LRCH1: variants seen among roughly 807,000 people sequenced by gnomAD.
The protein encoded by LRCH1 is leucine-rich repeat and calponin homology domain-containing protein 1.
A neutral mutation model predicts 94.9 loss-of-function variants in LRCH1; 23 were observed. The observed-to-expected ratio is 0.24, with a 90% confidence interval of 0.17 to 0.34. The LOEUF (loss-of-function observed/expected upper bound fraction) is 0.34, where lower values mean the gene tolerates loss of function less well. Among genes scored for constraint, LRCH1 ranks in the 10% least tolerant of loss-of-function variants. The probability of loss-of-function intolerance (pLI) is 1.00; values close to 1 mark genes in which losing one functional copy is unlikely to be tolerated. For synonymous variants in LRCH1, 364 were observed against 354.9 expected (o/e 1.03, Z -0.29); for missense variants, 790 against 945.9 (o/e 0.84, Z 2.16).
intron 1 of LRCH1, among the ~76,000 whole-genome samples, chr13:46,634,868 G>T (rs982543505): frequency 6.6e-6 from 1 of 152,056 alleles, no homozygotes; most frequent in African/African-American, 2.4e-5. Context: ...GGGTTGGGAG[G>T]GTACCACGTA....
At chr13:46,752,322 A>G (rs1874175176) in exon 19 of LRCH1, 2 of 152,376 alleles carry the variant, frequency 1.3e-5, no homozygotes, top group East Asian at 1.9e-4. Flanking sequence ...TTGTAAGACA[A>G]ATGTAGAGGG....
chr13:46,611,977 C>G (rs1460634379), intron 1 of LRCH1, among the ~76,000 whole-genome samples: 8 of 152,112 alleles, frequency 5.3e-5, no homozygotes, highest in Non-Finnish European at 1.2e-4. Flanking sequence ...TCTTTCCATA[C>G]TAAATACTAA....
intron 2 of LRCH1, among the ~76,000 whole-genome samples, chr13:46,657,548 A>G (rs150569996): frequency 0.049 from 2,347 of 48,344 alleles, 102 homozygotes; most frequent in African/African-American, 0.15. Context: ...TTTTTGAGGC[A>G]GGGTCTTGCT....
intron 1 of LRCH1, among the ~76,000 whole-genome samples, chr13:46,634,000 C>T (rs776031202): frequency 1.3e-5 from 2 of 151,920 alleles, no homozygotes; most frequent in Non-Finnish European, 2.9e-5. Flanking sequence ...CTGCCTCAGC[C>T]TCCTGAGTAG....
intron 1 of LRCH1, among the ~76,000 whole-genome samples, chr13:46,559,099 G>T (rs906737628): frequency 6.6e-6 from 1 of 152,176 alleles, no homozygotes; most frequent in Non-Finnish European, 1.5e-5. Context: ...CTCTTTAGTC[G>T]TTGGAATTCA....
Position 46,695,057 on chromosome 13 carries a change from C to G in LRCH1, c.1245+40C>G, listed in dbSNP as rs1259253622. 4.3e-6 allele frequency: 7 copies of G among 1,609,456 alleles called. No individual in the cohort carries two copies. In the Admixed American group the frequency reaches 1.2e-4, roughly 27 times the overall value. On this transcript the variant is annotated intron_variant, in intron 9 of 19. Coordinates refer to ENST00000389797, the MANE Select transcript of LRCH1 (RefSeq NM_001164211.2). The stretch of plus-strand genomic sequence containing the variant: ...ATCAACTACGTTTTTTTACTTATTT[C>G]CTTCTGTTTGGCACCGTACAATTTA...
chr13:46,568,355 A>G (rs2050207346), intron 1 of LRCH1, among the ~76,000 whole-genome samples: 1 of 152,228 alleles, frequency 6.6e-6, no homozygotes, highest in Admixed American at 6.5e-5. Context: ...GGGATGTGGT[A>G]GATAACACCT....
At chr13:46,676,612 G>T (rs1271142662) in intron 3 of LRCH1, among the ~76,000 whole-genome samples, 1 of 152,064 alleles carries the variant, frequency 6.6e-6, no homozygotes, top group African/African-American at 2.4e-5. Context: ...ATTAAATAAA[G>T]AGCTAGATTC....
At chr13:46,651,661 CA>C (rs754716387) in intron 2 of LRCH1, among the ~76,000 whole-genome samples, 11,556 of 108,146 alleles carry the variant, frequency 0.11, 549 homozygotes, top group Middle Eastern at 0.2. Flanking sequence ...AACTCCATGT[CA>C]AAAAAAAAAA....
chr13:46,553,818 A>T, intron 1 of LRCH1, 115 bp downstream of exon 1: 1 of 1,530,062 alleles, frequency 6.5e-7, no homozygotes, highest in Non-Finnish European at 8.8e-7. Flanking sequence ...GGGAGGGTCC[A>T]TCGGCCCGTT....
downstream of LRCH1, among the ~76,000 whole-genome samples, chr13:46,745,466 G>A (rs7330026): frequency 4.6e-5 from 7 of 151,968 alleles, no homozygotes; most frequent in Non-Finnish European, 8.8e-5. Context: ...CTTAGCAAAC[G>A]TTCAGGAATA....
intron 9 of LRCH1, 136 bp from the exon 10 acceptor site, chr13:46,699,200 A>G: frequency 3.0e-6 from 2 of 677,854 alleles, no homozygotes; most frequent in South Asian, 3.5e-5. Flanking sequence ...CTGTCCCTCC[A>G]TAGATGGCTG....
chr13:46,694,867 T>C (rs750674127), intron 8 of LRCH1, 26 bp from the exon 9 acceptor site: 1 of 1,613,340 alleles, frequency 6.2e-7, no homozygotes, highest in South Asian at 1.1e-5. Flanking sequence ...AATCATGCTT[T>C]CCATCTCTCT....
intron 1 of LRCH1, among the ~76,000 whole-genome samples, chr13:46,648,451 C>T (rs1176915288): frequency 6.6e-6 from 1 of 152,174 alleles, no homozygotes; most frequent in Non-Finnish European, 1.5e-5. Context: ...ATTGACCTTC[C>T]CATCTATCCA....
chr13:46,729,698 G>T (rs1457443376), intron 18 of LRCH1, among the ~76,000 whole-genome samples: 1 of 152,188 alleles, frequency 6.6e-6, no homozygotes, highest in African/African-American at 2.4e-5. Context: ...GCTGCTTTTG[G>T]TTGGTAACTT....
chr13:46,577,640 A>G (rs190193829), intron 1 of LRCH1, among the ~76,000 whole-genome samples: 1 of 152,366 alleles, frequency 6.6e-6, no homozygotes, highest in African/African-American at 2.4e-5. Context: ...CACAGCAACT[A>G]GCTTTTTTTG....
intron 3 of LRCH1, among the ~76,000 whole-genome samples, chr13:46,675,534 G>A (rs565799029): frequency 6.6e-6 from 1 of 152,292 alleles, no homozygotes; most frequent in South Asian, 2.1e-4. Context: ...GGCCTTGATT[G>A]GATATGCTAT....
chr13:46,554,286 C>T lies in LRCH1; in HGVS notation c.307+583C>T, dbSNP rs150398643. 8.6e-3 allele frequency among the ~76,000 whole-genome samples: 1,304 copies of T among 152,360 alleles called. 5 individuals carry two copies. The highest frequency in any genetic ancestry group is 0.03 in the African/African-American group (1,243 of 41,600). ...CGCCGAGCGATCGGGCAACTCGGTGCCGCCTGTGAGGTGCCCAAGTTTCCT... is the reference window on the plus strand; with the variant it reads ...CGCCGAGCGATCGGGCAACTCGGTGTCGCCTGTGAGGTGCCCAAGTTTCCT... On this transcript the variant is annotated intron_variant, in intron 1 of 19. Transcript: ENST00000389797.
At chr13:46,728,323 C>T (rs1872930963) in intron 17 of LRCH1, among the ~76,000 whole-genome samples, 1 of 152,144 alleles carries the variant, frequency 6.6e-6, no homozygotes, top group South Asian at 2.1e-4. Context: ...TCAAGTGATT[C>T]TCCTGCCTCA....
Sources: gnomAD v4.1 joint callset for allele counts (sites outside exome capture counted in the v4.1 genomes callset) on GRCh38, gnomAD v4.1.1 for gene constraint, MANE v1.5 for transcripts, NCBI Gene and HGNC (gene_info 2026-07-23, HGNC 2026-07-21) for gene names.